Variants in FOXP2 observed in about 807,000 individuals in gnomAD.
FOXP2 encodes the protein forkhead box protein P2.
In FOXP2, 12 loss-of-function variants were observed where a neutral mutation model predicts 115.8. The observed-to-expected ratio is 0.10, with a 90% CI of 0.07 to 0.17. FOXP2 has a LOEUF of 0.17. Ranked by LOEUF, FOXP2 falls within the 10% of genes least tolerant of loss-of-function variation. The pLI, the probability that FOXP2 is intolerant of heterozygous loss-of-function variation, is 1.00. For synonymous variants in FOXP2, 328 were observed against 297.7 expected, an observed-to-expected ratio of 1.10 and a Z score of -1.05; for missense variants, 629 against 843.5, an observed-to-expected ratio of 0.75 and a Z score of 3.15.
chr7:114,469,405 C>A (rs1343299886), intron 2 of FOXP2, among the ~76,000 whole-genome samples: 1 of 152,122 alleles, frequency 6.6e-6, no homozygotes, highest in Non-Finnish European at 1.5e-5. Flanking sequence ...ACCTTCTGAG[C>A]AGCTCATCCT....
At chr7:114,196,693 C>G (rs1277414441) in intron 1 of FOXP2, among the ~76,000 whole-genome samples, 1 of 152,126 alleles carries the variant, frequency 6.6e-6, no homozygotes, top group East Asian at 1.9e-4. Flanking sequence ...GGAGTCACCC[C>G]AACACATTGA....
rs763037482 is a variant in FOXP2, at chr7:114,690,033, A to T, written c.*107A>T. On this transcript the variant is annotated 3_prime_UTR_variant, in exon 17 of 17. Coordinates refer to ENST00000350908, the MANE Select transcript of FOXP2 (RefSeq NM_014491.4). ...TTTTTACTGTGACTATTTATTAAGC[A>T]TGGATAAAGGAGACAGCCCTAAAGG... 2.9e-6 allele frequency: 4 copies of T among 1,398,784 alleles called. No individual in the cohort carries two copies. The allele number at this position is 1,398,784 out of a possible 1,614,324, so 86.6% of individuals were successfully genotyped here.
chr7:114,533,691 C>T (rs78132477), intron 2 of FOXP2, among the ~76,000 whole-genome samples: 2 of 151,908 alleles, frequency 1.3e-5, no homozygotes, highest in East Asian at 3.9e-4. Flanking sequence ...CATTAGTGTT[C>T]ATTGAACTCA....
chr7:114,264,070 GGT>G, intron 1 of FOXP2, among the ~76,000 whole-genome samples: 1 of 152,008 alleles, frequency 6.6e-6, no homozygotes, highest in East Asian at 2.0e-4. Context: ...GTGTGTCTAG[GGT>G]TTCTCTAAGA....
At chr7:114,456,021 C>T (rs1007375802) in intron 2 of FOXP2, among the ~76,000 whole-genome samples, 1 of 152,168 alleles carries the variant, frequency 6.6e-6, no homozygotes, top group Non-Finnish European at 1.5e-5. Context: ...TCCTTCAATG[C>T]ACCAAGATCC....
At chr7:114,612,106 C>T (rs1468021532) in intron 3 of FOXP2, among the ~76,000 whole-genome samples, 9 of 151,902 alleles carry the variant, frequency 5.9e-5, no homozygotes, top group South Asian at 4.2e-4. Flanking sequence ...AGTATATACC[C>T]GCACATTTTG....
intron 1 of FOXP2, among the ~76,000 whole-genome samples, chr7:114,224,767 C>T (rs965067197): frequency 3.3e-5 from 5 of 152,072 alleles, no homozygotes; most frequent in Non-Finnish European, 7.4e-5. Flanking sequence ...GAACCTCTGG[C>T]CTCAACCTCC....
intron 3 of FOXP2, among the ~76,000 whole-genome samples, chr7:114,563,882 C>CTCAG (rs144615899): frequency 0.093 from 14,123 of 152,166 alleles, 698 homozygotes; most frequent in Middle Eastern, 0.16. Context: ...CCTTTACTCT[C>CTCAG]TCACTCAGGT....
At chr7:114,464,010 A>G (rs1410403903) in intron 2 of FOXP2, among the ~76,000 whole-genome samples, 1 of 152,190 alleles carries the variant, frequency 6.6e-6, no homozygotes, top group Non-Finnish European at 1.5e-5. Flanking sequence ...CTAAGCAAAT[A>G]CCATTAAAAA....
intron 1 of FOXP2, among the ~76,000 whole-genome samples, chr7:114,132,578 TGTGTGAGA>T (rs1380428150): frequency 6.0e-4 from 35 of 58,788 alleles, no homozygotes; most frequent in African/African-American, 2.1e-3. Context: ...TGTGTGTGTG[TGTGTGAGA>T]GAGAGAGAGA....
intron 2 of FOXP2, among the ~76,000 whole-genome samples, chr7:114,314,978 T>C (rs951187423): frequency 2.6e-5 from 4 of 152,198 alleles, no homozygotes; most frequent in Non-Finnish European, 4.4e-5. Flanking sequence ...GAAAAAAAAG[T>C]GGTTCTAAAA....
chr7:114,541,326 A>AT (rs1010502606), intron 3 of FOXP2, among the ~76,000 whole-genome samples: 1 of 152,014 alleles, frequency 6.6e-6, no homozygotes, highest in Non-Finnish European at 1.5e-5. Flanking sequence ...TAACATTCAC[A>AT]TTTTTTTAGA....
chr7:114,262,839 A>G (rs1312103717), intron 1 of FOXP2, among the ~76,000 whole-genome samples: 1 of 152,160 alleles, frequency 6.6e-6, no homozygotes, highest in Non-Finnish European at 1.5e-5. Context: ...ATGCACACTC[A>G]TGGTAAATAA....
chr7:114,418,006 C>G (rs1331598101), intron 1 of FOXP2, among the ~76,000 whole-genome samples: 1 of 151,864 alleles, frequency 6.6e-6, no homozygotes, highest in Non-Finnish European at 1.5e-5. Flanking sequence ...ATACATTTTT[C>G]AAAAACTTTC....
intron 3 of FOXP2, among the ~76,000 whole-genome samples, chr7:114,554,300 A>C (rs1267379824): frequency 6.6e-6 from 1 of 152,112 alleles, no homozygotes; most frequent in Non-Finnish European, 1.5e-5. Flanking sequence ...ACAGGTGTAG[A>C]AAACAGATTA....
intron 2 of FOXP2, among the ~76,000 whole-genome samples, chr7:114,453,593 T>G (rs373694811): frequency 6.6e-6 from 1 of 152,158 alleles, no homozygotes; most frequent in Admixed American, 6.5e-5. Context: ...ATTCTCTCAG[T>G]TGGTCTTACT....
intron 3 of FOXP2, among the ~76,000 whole-genome samples, chr7:114,581,574 A>G (rs1801871429): frequency 6.6e-6 from 1 of 152,118 alleles, no homozygotes; most frequent in Non-Finnish European, 1.5e-5. Context: ...TCCCAACCAG[A>G]GTGGTATATT....
chr7:114,595,279 C>T (rs1194847046), intron 3 of FOXP2, among the ~76,000 whole-genome samples: 1 of 151,976 alleles, frequency 6.6e-6, no homozygotes, highest in Non-Finnish European at 1.5e-5. Flanking sequence ...TAATTAACCG[C>T]TACATATCTA....
At chr7:114,188,181 A>G (rs1378378888) in intron 1 of FOXP2, among the ~76,000 whole-genome samples, 2 of 152,208 alleles carry the variant, frequency 1.3e-5, no homozygotes, top group African/African-American at 4.8e-5. Flanking sequence ...TAAAAGTGTA[A>G]ATTGGATCAT....
Sources: allele counts gnomAD v4.1 joint callset (sites outside exome capture counted in the v4.1 genomes callset), GRCh38; gene constraint gnomAD v4.1.1; transcripts MANE v1.5; gene names NCBI Gene and HGNC (gene_info 2026-07-23, HGNC 2026-07-21).